MAN1A1: variants seen among roughly 807,000 people sequenced by gnomAD.
MAN1A1 encodes the protein mannosidase alpha class 1A member 1.
A neutral mutation model predicts 70.8 loss-of-function variants in MAN1A1; 29 were observed. That is an observed-to-expected ratio of 0.41 (90% confidence interval 0.31 to 0.56). The LOEUF (loss-of-function observed/expected upper bound fraction) is 0.56, where lower values mean the gene tolerates loss of function less well. MAN1A1 is among the 20% of genes least tolerant of loss of function. MAN1A1 has a pLI of 0.29. For synonymous variants in MAN1A1, 349 were observed against 330.1 expected (o/e 1.06, Z -0.62); for missense variants, 747 against 841.3 (o/e 0.89, Z 1.39).
chr6:119,335,106 GCAA>G (rs1773418871), intron 2 of MAN1A1, among the ~76,000 whole-genome samples: 2 of 152,168 alleles, frequency 1.3e-5, no homozygotes, highest in South Asian at 2.1e-4. Flanking sequence ...GAGAAATTTG[GCAA>G]CAACAACTAA....
intron 5 of MAN1A1, among the ~76,000 whole-genome samples, chr6:119,265,760 T>C (rs1775735767): frequency 6.6e-6 from 1 of 152,106 alleles, no homozygotes; most frequent in South Asian, 2.1e-4. Context: ...CTTTTCAATA[T>C]TGTACTAGAT....
intron 6 of MAN1A1, among the ~76,000 whole-genome samples, chr6:119,212,790 C>T (rs192649303): frequency 2.0e-5 from 3 of 152,298 alleles, no homozygotes; most frequent in East Asian, 1.9e-4. Context: ...TCTTATTACC[C>T]ATTTCAGCAG....
intron 6 of MAN1A1, among the ~76,000 whole-genome samples, chr6:119,230,854 G>A (rs573898631): frequency 6.6e-6 from 1 of 152,264 alleles, no homozygotes; most frequent in East Asian, 1.9e-4. Context: ...ATGTATTAAT[G>A]GAACTTTGTG....
At chr6:119,279,526 T>C (rs1776170749) in intron 5 of MAN1A1, among the ~76,000 whole-genome samples, 1 of 152,202 alleles carries the variant, frequency 6.6e-6, no homozygotes, top group Admixed American at 6.5e-5. Flanking sequence ...GTCCAGAACC[T>C]CTACCATGTT....
intron 6 of MAN1A1, among the ~76,000 whole-genome samples, chr6:119,217,368 C>G (rs1774235296): frequency 6.6e-6 from 1 of 151,998 alleles, no homozygotes; most frequent in Non-Finnish European, 1.5e-5. Flanking sequence ...TGCAATCTCC[C>G]CCTCCCAGGT....
chr6:119,188,103 G>C (rs1394760392), intron 11 of MAN1A1, among the ~76,000 whole-genome samples: 1 of 152,162 alleles, frequency 6.6e-6, no homozygotes, highest in East Asian at 1.9e-4. Flanking sequence ...ACAACCCTTA[G>C]GTGGAATTAA....
chr6:119,195,039 G>A (rs1773533379), intron 8 of MAN1A1, among the ~76,000 whole-genome samples: 3 of 151,902 alleles, frequency 2.0e-5, no homozygotes, highest in Non-Finnish European at 4.4e-5. Context: ...CACCATGTTG[G>A]CCAGGCTGGT....
chr6:119,217,891 T>C (rs1015927541), intron 6 of MAN1A1, among the ~76,000 whole-genome samples: 1 of 152,208 alleles, frequency 6.6e-6, no homozygotes, highest in Non-Finnish European at 1.5e-5. Context: ...ATTGTATACA[T>C]TACTTAGCAA....
rs1008795597 is a variant in MAN1A1, at chr6:119,214,891, G to A, written c.993-10009C>T. On this transcript the variant is annotated intron_variant, in intron 6 of 12. Coordinates refer to ENST00000368468, the MANE Select transcript of MAN1A1 (RefSeq NM_005907.4). ...AAATGAATGCTGACACAAGAAAACTGTTAACTTTTGGAAACTGTATTTTTT... is the reference window on the plus strand; with the variant it reads ...AAATGAATGCTGACACAAGAAAACTATTAACTTTTGGAAACTGTATTTTTT... Among the ~76,000 whole-genome samples the A allele has an allele frequency of 4.3e-4, 65 of 152,256 alleles. 1 individual carries two copies. The highest frequency in any genetic ancestry group is 3.4e-3 in the Middle Eastern group (1 of 294).
Position 119,349,031 on chromosome 6 carries a change from C to G in MAN1A1, c.35G>C (p.Ser12Thr), listed in dbSNP as rs1773825718. The G allele has an allele frequency of 7.4e-7, 1 of 1,351,020 alleles. No individual in the cohort carries two copies. Among genetic ancestry groups the G allele is most frequent in the Admixed American group, 3.8e-5 (1 of 26,024 alleles). 83.7% of individuals were successfully genotyped at this position (1,351,020 alleles called of 1,614,324 possible). ...PVGGLLPLFSSPAGGVLGGGL... is the reference protein window; with the variant it reads ...PVGGLLPLFSTPAGGVLGGGL... ...CCCGCCCAGGACGCCGCCCGCGGGG[C>G]TGCTGAAGAGCGGCAACAGGCCCCC... Residue 12 changes from serine to threonine, a missense_variant, in exon 2 of 13, where the codon AGC (serine) becomes ACC (threonine). Coordinates refer to ENST00000368468, the MANE Select transcript of MAN1A1 (RefSeq NM_005907.4).
At chr6:119,338,736 G>A (rs1411844669) in intron 2 of MAN1A1, among the ~76,000 whole-genome samples, 1 of 152,226 alleles carries the variant, frequency 6.6e-6, no homozygotes, top group Non-Finnish European at 1.5e-5. Context: ...ACTTAAAAAT[G>A]AAGATGCGCT....
intron 5 of MAN1A1, among the ~76,000 whole-genome samples, chr6:119,251,594 T>C (rs1239799163): frequency 6.6e-6 from 1 of 152,214 alleles, no homozygotes; most frequent in African/African-American, 2.4e-5. Flanking sequence ...CAGTCTTTGA[T>C]ACAGATCTCT....
intron 6 of MAN1A1, among the ~76,000 whole-genome samples, chr6:119,212,624 A>G (rs1202329453): frequency 6.6e-6 from 1 of 152,212 alleles, no homozygotes; most frequent in Admixed American, 6.5e-5. Context: ...AACTCAATTA[A>G]ATTTTGTTCT....
chr6:119,186,623 C>T (rs914700860), intron 11 of MAN1A1, among the ~76,000 whole-genome samples: 1 of 152,228 alleles, frequency 6.6e-6, no homozygotes, highest in African/African-American at 2.4e-5. Context: ...TCCCAGACCA[C>T]AGCCAGCTGG....
chr6:119,349,409 G>T, intron 1 of MAN1A1, 122 bp from the exon 2 acceptor site: 2 of 925,664 alleles, frequency 2.2e-6, no homozygotes, highest in Middle Eastern at 5.0e-4. Context: ...GTCCTGTCCA[G>T]TCCGGGCACC....
intron 5 of MAN1A1, among the ~76,000 whole-genome samples, chr6:119,260,118 T>C (rs1003539874): frequency 6.6e-6 from 1 of 152,220 alleles, no homozygotes; most frequent in Non-Finnish European, 1.5e-5. Flanking sequence ...GAGGGTTAGA[T>C]AGTAAATATT....
At chr6:119,231,477 T>C (rs983111333) in intron 6 of MAN1A1, among the ~76,000 whole-genome samples, 6 of 152,212 alleles carry the variant, frequency 3.9e-5, no homozygotes, top group African/African-American at 1.4e-4. Context: ...CAATTAAATC[T>C]CTTTCCTTTA....
chr6:119,257,440 A>G (rs1775490215), intron 5 of MAN1A1, among the ~76,000 whole-genome samples: 1 of 152,196 alleles, frequency 6.6e-6, no homozygotes, highest in Non-Finnish European at 1.5e-5. Context: ...TAGGGCAGGA[A>G]GAAAGGCAGT....
intron 9 of MAN1A1, among the ~76,000 whole-genome samples, chr6:119,190,931 G>A (rs1376380327): frequency 6.6e-6 from 1 of 152,168 alleles, no homozygotes; most frequent in Non-Finnish European, 1.5e-5. Flanking sequence ...ACATGACTGT[G>A]TCTATACCTG....
Sources: gnomAD v4.1 joint callset for allele counts (sites outside exome capture counted in the v4.1 genomes callset) on GRCh38, gnomAD v4.1.1 for gene constraint, MANE v1.5 for transcripts, NCBI Gene and HGNC (gene_info 2026-07-23, HGNC 2026-07-21) for gene names.